The following LMF1 variants were observed in gnomAD, a reference collection of about 807,000 sequenced individuals.
LMF1 encodes the protein transmembrane protein 112.
In LMF1, 68 loss-of-function variants were observed where a neutral mutation model predicts 60.6. The ratio of observed to expected loss-of-function variants is 1.12; its 90% CI spans 0.92 to 1.37. The LOEUF (loss-of-function observed/expected upper bound fraction) is 1.37. Ranked by LOEUF, LMF1 falls within the 40% of genes most tolerant of loss-of-function variation. The probability of loss-of-function intolerance (pLI) is 0.00; values close to 1 mark genes in which losing one functional copy is unlikely to be tolerated. For missense variants in LMF1, 948 were observed against 767.2 expected (o/e 1.24, Z -2.78); for synonymous variants, 418 against 324.7 (o/e 1.29, Z -3.09).
chr16:863,928 G>T (rs1396833749), intron 10 of LMF1, among the ~76,000 whole-genome samples: 1 of 152,224 alleles, frequency 6.6e-6, no homozygotes, highest in South Asian at 2.1e-4. Context: ...ATGTCATTCA[G>T]TGCAATGGGT....
chr16:976,365 G>A (rs772321160), intron 1 of LMF1: 17 of 454,024 alleles, frequency 3.7e-5, no homozygotes, highest in South Asian at 6.2e-5. Flanking sequence ...GGTGTCTGGC[G>A]TCAGACAGCA....
chr16:854,346 G>A lies in LMF1; in HGVS notation c.*186C>T, dbSNP rs1378968928. ...TGGATGTGGGGCCCCAGGTGGGCAG[G>A]GCCTGGGAGCCGCCACAGTATGTGA... On this transcript the variant is annotated 3_prime_UTR_variant, in exon 11 of 11. Transcript: ENST00000262301. 3 of 742,608 alleles carry A rather than the reference G, an allele frequency of 4.0e-6. No homozygotes were observed. Among genetic ancestry groups the A allele is most frequent in the Admixed American group, 2.0e-5 (1 of 49,642 alleles). The allele number at this position is 742,608 out of a possible 1,614,324, so 46.0% of individuals were successfully genotyped here. A position where few individuals can be genotyped will look rare whatever the true frequency, so the allele number is the denominator to read the frequency against.
At chr16:882,111 G>C (rs560688155) in intron 5 of LMF1, among the ~76,000 whole-genome samples, 1 of 152,224 alleles carries the variant, frequency 6.6e-6, no homozygotes, top group African/African-American at 2.4e-5. Context: ...GACACAGTGC[G>C]ATGCCTTTGT....
intron 3 of LMF1, among the ~76,000 whole-genome samples, chr16:919,939 G>A (rs952565366): frequency 3.9e-5 from 6 of 152,162 alleles, no homozygotes; most frequent in African/African-American, 1.4e-4. Flanking sequence ...TTCCGGCCTC[G>A]GTCAAGACTG....
At chr16:864,322 A>C (rs2069551324) in intron 10 of LMF1, among the ~76,000 whole-genome samples, 1 of 152,200 alleles carries the variant, frequency 6.6e-6, no homozygotes, top group African/African-American at 2.4e-5. Context: ...TCCCTAACTT[A>C]TGAGAGTTCC....
At chr16:875,318 G>A (rs759707195) in intron 6 of LMF1, among the ~76,000 whole-genome samples, 3 of 152,088 alleles carry the variant, frequency 2.0e-5, no homozygotes, top group Admixed American at 1.3e-4. Flanking sequence ...CAGCCTGGCC[G>A]TCATGCTTGG....
At chr16:894,905 C>T (rs1046006974) in intron 4 of LMF1, among the ~76,000 whole-genome samples, 2 of 152,212 alleles carry the variant, frequency 1.3e-5, no homozygotes, top group Non-Finnish European at 2.9e-5. Context: ...CTGTTCACAG[C>T]GGAGGCCAGC....
At chr16:898,313 A>G (rs927543005) in intron 4 of LMF1, among the ~76,000 whole-genome samples, 11 of 152,168 alleles carry the variant, frequency 7.2e-5, no homozygotes. Flanking sequence ...GCACCTGGAA[A>G]AGGCTGTCCC....
At chr16:906,597 C>G (rs533974576) in intron 4 of LMF1, among the ~76,000 whole-genome samples, 8 of 152,162 alleles carry the variant, frequency 5.3e-5, no homozygotes, top group Non-Finnish European at 8.8e-5. Context: ...GACTTGTGAT[C>G]GTGGAGTTAA....
chr16:946,172 C>T (rs952381974), intron 2 of LMF1, among the ~76,000 whole-genome samples: 5 of 152,312 alleles, frequency 3.3e-5, no homozygotes, highest in South Asian at 4.1e-4. Context: ...GGAGTTCTTT[C>T]GCCTTAGAAG....
chr16:938,221 G>T lies in LMF1; in HGVS notation c.504-3967C>A, dbSNP rs568479733. Among the ~76,000 whole-genome samples the T allele has an allele frequency of 1.9e-4, 29 of 152,332 alleles. No homozygotes were observed. In the South Asian group the frequency reaches 6.0e-3, roughly 32 times the overall value. Reference sequence around the variant, plus strand: ...CCGGGACGCTGGGTCCCGCTGTGCAGGGCCATGGCCTGCCTGGCACAGGGA... The same window carrying T: ...CCGGGACGCTGGGTCCCGCTGTGCATGGCCATGGCCTGCCTGGCACAGGGA... On this transcript the variant is annotated intron_variant, in intron 2 of 10. Coordinates refer to ENST00000262301, the MANE Select transcript of LMF1 (RefSeq NM_022773.4).
chr16:948,477 G>A (rs1457635320), intron 2 of LMF1, among the ~76,000 whole-genome samples: 1 of 151,538 alleles, frequency 6.6e-6, no homozygotes, highest in Non-Finnish European at 1.5e-5. Flanking sequence ...GACAATGACA[G>A]AGTCAGAGCC....
At chr16:856,443 G>A (rs1467152239) in intron 10 of LMF1, among the ~76,000 whole-genome samples, 2 of 152,214 alleles carry the variant, frequency 1.3e-5, no homozygotes, top group African/African-American at 4.8e-5. Context: ...CCTTGCTAGG[G>A]CAATGCAGTC....
intron 4 of LMF1, among the ~76,000 whole-genome samples, chr16:895,165 C>T (rs2070627952): frequency 6.6e-6 from 1 of 152,114 alleles, no homozygotes; most frequent in Non-Finnish European, 1.5e-5. Context: ...CGGCCTGAGG[C>T]CTGCCGGGGC....
intron 2 of LMF1, among the ~76,000 whole-genome samples, chr16:939,511 G>A (rs1001792533): frequency 3.3e-5 from 5 of 152,234 alleles, no homozygotes; most frequent in African/African-American, 1.2e-4. Flanking sequence ...CACACGTGCC[G>A]CCGAGCAGCG....
intron 1 of LMF1, among the ~76,000 whole-genome samples, chr16:960,057 C>G (rs2072792037): frequency 6.6e-6 from 1 of 152,228 alleles, no homozygotes; most frequent in Non-Finnish European, 1.5e-5. Context: ...AGAGGGCCAG[C>G]AGCTGTGACA....
intron 6 of LMF1, among the ~76,000 whole-genome samples, chr16:876,852 G>A (rs1467313800): frequency 2.0e-5 from 3 of 152,120 alleles, no homozygotes; most frequent in Non-Finnish European, 2.9e-5. Context: ...TTATCCATTA[G>A]AGGAGGGAAA....
chr16:883,976 C>T (rs947002611), intron 5 of LMF1: 3 of 152,202 alleles, frequency 2.0e-5, no homozygotes, highest in Admixed American at 1.3e-4. Flanking sequence ...ATTGAAATCT[C>T]CAACTTTATG....
At chr16:910,607 C>T (rs951045851) in intron 4 of LMF1, among the ~76,000 whole-genome samples, 2 of 148,268 alleles carry the variant, frequency 1.3e-5, no homozygotes, top group Admixed American at 1.4e-4. Context: ...CAAAGGAGGG[C>T]TGGTGGGGGA....
Sources: allele counts gnomAD v4.1 joint callset (sites outside exome capture counted in the v4.1 genomes callset), GRCh38; gene constraint gnomAD v4.1.1; transcripts MANE v1.5; gene names NCBI Gene and HGNC (gene_info 2026-07-23, HGNC 2026-07-21).